The following SV2C variants were observed in gnomAD, a reference collection of about 807,000 sequenced individuals.
The protein encoded by SV2C is synaptic vesicle glycoprotein 2C.
SV2C carries 49 observed loss-of-function variants against 79.7 expected under a neutral mutation model. That is an observed-to-expected ratio of 0.61 (90% CI 0.49 to 0.78). SV2C has a LOEUF of 0.78. SV2C is among the 30% of genes least tolerant of loss of function. The probability of loss-of-function intolerance (pLI) is 0.00; values close to 1 mark genes in which losing one functional copy is unlikely to be tolerated. For missense variants in SV2C, 833 were observed against 912.9 expected (o/e 0.91, Z 1.13); for synonymous variants, 334 against 333.2 (o/e 1.00, Z -0.03).
At chr5:75,911,374 C>T in the SV2C span, 1 of 1,212,962 alleles carries the variant, frequency 8.2e-7, no homozygotes. Context: ...ATCTGAACAA[C>T]CAAAGAAGAG....
chr5:76,118,065 C>T (rs778529287), intron 1 of SV2C, among the ~76,000 whole-genome samples: 5 of 152,186 alleles, frequency 3.3e-5, no homozygotes, highest in Non-Finnish European at 5.9e-5. Context: ...TTACCACAAA[C>T]TGGATGACTT....
chr5:76,060,775 CTG>C, the SV2C span, among the ~76,000 whole-genome samples: 2 of 152,070 alleles, frequency 1.3e-5, no homozygotes, highest in African/African-American at 4.8e-5. Flanking sequence ...GCTTGGCTAA[CTG>C]TGTGGTGCAA....
intron 1 of SV2C, among the ~76,000 whole-genome samples, chr5:76,130,554 G>A (rs1161958983): frequency 6.6e-6 from 1 of 152,198 alleles, no homozygotes; most frequent in Non-Finnish European, 1.5e-5. Context: ...AATGATGGGG[G>A]AGAAAGACTT....
chr5:75,987,501 T>C, the SV2C span, among the ~76,000 whole-genome samples: 3 of 151,984 alleles, frequency 2.0e-5, no homozygotes, highest in Non-Finnish European at 4.4e-5. Context: ...GGATGCCTGA[T>C]GGCATCTTTG....
the SV2C span, among the ~76,000 whole-genome samples, chr5:76,056,379 C>T: frequency 6.6e-6 from 1 of 152,074 alleles, no homozygotes; most frequent in African/African-American, 2.4e-5. Flanking sequence ...TGATGTGCTG[C>T]TGGATTCCAT....
At chr5:76,145,227 G>A (rs753940019) in intron 2 of SV2C, among the ~76,000 whole-genome samples, 1 of 152,162 alleles carries the variant, frequency 6.6e-6, no homozygotes, top group African/African-American at 2.4e-5. Flanking sequence ...AGGTTAGGGA[G>A]GTAAGATGTT....
intron 12 of SV2C, among the ~76,000 whole-genome samples, chr5:76,305,381 G>A (rs1729199390): frequency 6.6e-6 from 1 of 152,174 alleles, no homozygotes; most frequent in Admixed American, 6.5e-5. Context: ...CATCTCAGGG[G>A]TGGGTTCTAG....
At chr5:76,222,993 A>C (rs1196435426) in intron 4 of SV2C, among the ~76,000 whole-genome samples, 1 of 152,150 alleles carries the variant, frequency 6.6e-6, no homozygotes, top group Non-Finnish European at 1.5e-5. Context: ...ACTTCTCCAG[A>C]GAGCAACACA....
the SV2C span, among the ~76,000 whole-genome samples, chr5:75,988,320 G>T: frequency 6.6e-6 from 1 of 151,864 alleles, no homozygotes; most frequent in African/African-American, 2.4e-5. Context: ...GATCAATGAG[G>T]CTTTATAAAG....
the SV2C span, among the ~76,000 whole-genome samples, chr5:75,860,238 C>T: frequency 6.6e-6 from 1 of 152,172 alleles, no homozygotes. Flanking sequence ...CAGTTCTATA[C>T]ACCAGTAATA....
chr5:76,030,266 G>GTTTTTTTTTT, the SV2C span, among the ~76,000 whole-genome samples: 25 of 31,972 alleles, frequency 7.8e-4, 2 homozygotes, highest in Non-Finnish European at 9.7e-4. Context: ...TCAGAGGCTT[G>GTTTTTTTTTT]TTTTTTTTTT....
At chr5:75,953,483 T>C in the SV2C span, among the ~76,000 whole-genome samples, 2 of 152,068 alleles carry the variant, frequency 1.3e-5, no homozygotes, top group African/African-American at 2.4e-5. Context: ...ACGTAGTAGA[T>C]GTTTCAGGAT....
Position 76,084,798 on chromosome 5 carries a change from G to A in SV2C, c.-102+1286G>A, listed in dbSNP as rs181831754. 1.8e-3 allele frequency among the ~76,000 whole-genome samples: 272 copies of A among 151,786 alleles called. 6 individuals carry two copies. In the East Asian group the frequency reaches 0.048, roughly 27 times the overall value. ...GGATGCCCCGCGGCGCGCCTGGCGCGGAGAGCGGCGACCCGGCGGGGCAGA... is the reference window on the plus strand; with the variant it reads ...GGATGCCCCGCGGCGCGCCTGGCGCAGAGAGCGGCGACCCGGCGGGGCAGA... On this transcript the variant is annotated intron_variant, in intron 1 of 12. Transcript: ENST00000502798.
At position 76,325,903 on chromosome 5, in the gene SV2C, T is replaced by C. The variant is rs1748980086; in HGVS notation, c.*356T>C. ...AGACTGGGCTGGTGTAAGAAATAGA[T>C]CCTGCTCCTAATTTAACATTAACAG... On this transcript the variant is annotated 3_prime_UTR_variant, in exon 13 of 13. Coordinates refer to ENST00000502798, the MANE Select transcript of SV2C (RefSeq NM_014979.4). The C allele has an allele frequency of 5.4e-6, 1 of 183,994 alleles. No homozygotes were observed. Among genetic ancestry groups the C allele is most frequent in the Non-Finnish European group, 1.1e-5 (1 of 89,652 alleles). The allele number at this position is 183,994 out of a possible 1,614,324, so 11.4% of individuals were successfully genotyped here.
At chr5:75,908,052 T>TA in the SV2C span, among the ~76,000 whole-genome samples, 21 of 150,720 alleles carry the variant, frequency 1.4e-4, no homozygotes, top group African/African-American at 2.9e-4. Context: ...GAACGTGACT[T>TA]AAAAAAAAAA....
At chr5:75,921,775 G>T in the SV2C span, 1 of 331,446 alleles carries the variant, frequency 3.0e-6, no homozygotes, top group Non-Finnish European at 5.7e-6. Flanking sequence ...TACCAAGCTC[G>T]TGCCAAGGAT....
chr5:76,030,289 T>TTTTTTTTTTTTATTTA, the SV2C span, among the ~76,000 whole-genome samples: 50 of 117,902 alleles, frequency 4.2e-4, 2 homozygotes, highest in African/African-American at 1.8e-3. Context: ...TTTTTTTTTT[T>TTTTTTTTTTTTATTTA]TTTATTTATT....
chr5:76,266,495 A>G (rs997117217), intron 4 of SV2C, among the ~76,000 whole-genome samples: 4 of 152,244 alleles, frequency 2.6e-5, no homozygotes, highest in Non-Finnish European at 4.4e-5. Context: ...GGCATGAGCC[A>G]CTGCACCCAG....
At chr5:76,120,136 T>G (rs1402718535) in intron 1 of SV2C, among the ~76,000 whole-genome samples, 1 of 152,192 alleles carries the variant, frequency 6.6e-6, no homozygotes, top group East Asian at 1.9e-4. Flanking sequence ...TGTGTACAAT[T>G]ATAATGTGTC....
Sources: allele counts gnomAD v4.1 joint callset (sites outside exome capture counted in the v4.1 genomes callset), GRCh38; gene constraint gnomAD v4.1.1; transcripts MANE v1.5; gene names NCBI Gene and HGNC (gene_info 2026-07-23, HGNC 2026-07-21).